The following AGAP1 variants were observed in gnomAD, a reference collection of about 807,000 sequenced individuals.
AGAP1 encodes the protein arf-GAP with GTPase, ANK repeat and PH domain-containing protein 1.
AGAP1 carries 29 observed loss-of-function variants against 105.3 expected under a neutral mutation model. The observed-to-expected ratio is 0.28, with a 90% CI of 0.21 to 0.38. The LOEUF (loss-of-function observed/expected upper bound fraction) is 0.38. Ranked by LOEUF, AGAP1 falls within the 10% of genes least tolerant of loss-of-function variation. The probability of loss-of-function intolerance (pLI) is 1.00; values close to 1 mark genes in which losing one functional copy is unlikely to be tolerated. For missense variants in AGAP1, 998 were observed against 1,165.1 expected, an observed-to-expected ratio of 0.86 and a Z score of 2.09; for synonymous variants, 509 against 485.9, an observed-to-expected ratio of 1.05 and a Z score of -0.63.
intron 12 of AGAP1, among the ~76,000 whole-genome samples, chr2:235,940,703 C>CT (rs2053220865): frequency 6.6e-6 from 1 of 152,214 alleles, no homozygotes; most frequent in African/African-American, 2.4e-5. Context: ...AGTGGTCATC[C>CT]TGCCCCTGGC....
At chr2:235,772,448 A>G (rs997356355) in intron 6 of AGAP1, among the ~76,000 whole-genome samples, 2 of 152,206 alleles carry the variant, frequency 1.3e-5, no homozygotes, top group Non-Finnish European at 2.9e-5. Context: ...TTCCAGCCCC[A>G]TCAGATCTCC....
intron 13 of AGAP1, among the ~76,000 whole-genome samples, chr2:235,984,881 T>C (rs2055246217): frequency 6.6e-6 from 1 of 152,224 alleles, no homozygotes; most frequent in Non-Finnish European, 1.5e-5. Context: ...GTTCCATGTC[T>C]TTGCTATTGT....
Position 236,042,872 on chromosome 2 carries a change from G to A in AGAP1, c.1891+2031G>A, listed in dbSNP as rs551448858. 6.6e-6 allele frequency among the ~76,000 whole-genome samples: 1 copy of A among 152,236 alleles called. No homozygotes were observed. Among genetic ancestry groups the A allele is most frequent in the Non-Finnish European group, 1.5e-5 (1 of 68,048 alleles). ...CGCATTTGCTAAATGTGTGGTCTGT[G>A]TCAGCCCGGTGCCAAACCCTCCCAT... On this transcript the variant is annotated intron_variant, in intron 15 of 17. Transcript: ENST00000304032. The surrounding 1 kb of genome is among the most constrained non-coding windows in gnomAD (Gnocchi z 5.6).
Position 236,047,540 on chromosome 2 carries a change from A to G in AGAP1, c.1892-1519A>G, listed in dbSNP as rs558416600. ...CTTGGGTTTTTTTCATTTGATGCAT[A>G]GGTTTCCCCTTCCCAGTCAGAACCT... is the stretch of plus-strand genomic sequence containing the variant. On this transcript the variant is annotated intron_variant, in intron 15 of 17. Coordinates refer to ENST00000304032, the MANE Select transcript of AGAP1 (RefSeq NM_001037131.3). Among the ~76,000 whole-genome samples, 7 of 140,736 alleles carry G rather than the reference A, an allele frequency of 5.0e-5. No individual in the cohort carries two copies. In the South Asian group the frequency reaches 9.2e-4, roughly 18 times the overall value. The allele number at this position is 140,736 out of a possible 152,430, so 92.3% of individuals were successfully genotyped here. A position where few individuals can be genotyped will look rare whatever the true frequency, so the allele number is the denominator to read the frequency against.
chr2:235,907,128 C>T (rs1338891396), intron 10 of AGAP1, among the ~76,000 whole-genome samples: 1 of 152,224 alleles, frequency 6.6e-6, no homozygotes, highest in African/African-American at 2.4e-5. Flanking sequence ...CCTCAATACA[C>T]TTGGCCAAGT....
At chr2:235,863,647 A>G (rs2049026550) in intron 9 of AGAP1, among the ~76,000 whole-genome samples, 1 of 152,192 alleles carries the variant, frequency 6.6e-6, no homozygotes, top group Admixed American at 6.5e-5. Flanking sequence ...GCCCGAGGTC[A>G]TCGAAGGCCC....
rs191399279 is a variant in AGAP1, at chr2:235,610,315, C to T, written c.164-98864C>T. 1.3e-4 allele frequency among the ~76,000 whole-genome samples: 20 copies of T among 152,254 alleles called. No homozygotes were observed. The highest frequency in any genetic ancestry group is 2.2e-4 in the African/African-American group (9 of 41,554). On this transcript the variant is annotated intron_variant, in intron 1 of 17. Transcript: ENST00000304032. The surrounding 1 kb of genome is among the most constrained non-coding windows in gnomAD (Gnocchi z 4.9). ...TCTTGGAGTCCACCGTGCACTTGTC[C>T]GCTTGGGCTGCCATAACAAAATACC... is the stretch of plus-strand genomic sequence containing the variant.
chr2:235,978,516 C>A (rs1365760069), intron 13 of AGAP1, among the ~76,000 whole-genome samples: 1 of 152,188 alleles, frequency 6.6e-6, no homozygotes. Flanking sequence ...GTGGTGTTGG[C>A]AGGTGGGTGG....
At chr2:235,590,477 G>A (rs1474102043) in intron 1 of AGAP1, among the ~76,000 whole-genome samples, 2 of 152,034 alleles carry the variant, frequency 1.3e-5, no homozygotes, top group South Asian at 2.1e-4. Context: ...ACAGGTGTGG[G>A]CAGGAAGGGA....
At chr2:235,768,495 C>A (rs1236740321) in intron 6 of AGAP1, among the ~76,000 whole-genome samples, 1 of 152,226 alleles carries the variant, frequency 6.6e-6, no homozygotes, top group Admixed American at 6.5e-5. Flanking sequence ...GTGGGTATTT[C>A]ATCAGAGCGG....
At chr2:235,524,472 A>G (rs1335929792) in intron 1 of AGAP1, 5 of 305,942 alleles carry the variant, frequency 1.6e-5, no homozygotes, top group Non-Finnish European at 1.3e-5. Context: ...AGAGCAGTGG[A>G]TGCGATGGGC....
intron 9 of AGAP1, among the ~76,000 whole-genome samples, 156 bp downstream of exon 9, chr2:235,807,487 T>G (rs575806411): frequency 6.6e-6 from 1 of 152,378 alleles, no homozygotes; most frequent in African/African-American, 2.4e-5. Flanking sequence ...AGTTCCTGTG[T>G]GTATTCAAAT....
In AGAP1 at chr2:235,960,032, G is replaced by A. The variant is rs566877193; in HGVS notation, c.1484-8430G>A. Among the ~76,000 whole-genome samples, 2 of 152,322 alleles carry A rather than the reference G, an allele frequency of 1.3e-5. No homozygotes were observed. Among genetic ancestry groups the A allele is most frequent in the South Asian group, 4.1e-4 (2 of 4,830 alleles). The stretch of plus-strand genomic sequence containing the variant: ...TGGAGCATTGCCGTGGCAGGAGAAC[G>A]CAGTGGGCAGAGACGCACCCTGCCC... On this transcript the variant is annotated intron_variant, in intron 12 of 17. Coordinates refer to ENST00000304032, the MANE Select transcript of AGAP1 (RefSeq NM_001037131.3). The surrounding 1 kb of genome is among the most constrained non-coding windows in gnomAD (Gnocchi z 4.9).
Position 235,710,111 on chromosome 2 carries a change from A to G in AGAP1, c.222+874A>G, listed in dbSNP as rs914252545. 4.6e-5 allele frequency among the ~76,000 whole-genome samples: 7 copies of G among 152,330 alleles called. No individual in the cohort carries two copies. The South Asian group carries it at 1.4e-3, about 32-fold the overall frequency. On this transcript the variant is annotated intron_variant, in intron 2 of 17. Transcript: ENST00000304032. ...CTCTTGCTGTTCTGCAGACTCCGGC[A>G]TGGGCCTGCCTAGTGTGTCTGTCCT... is the stretch of plus-strand genomic sequence containing the variant.
intron 10 of AGAP1, among the ~76,000 whole-genome samples, chr2:235,899,798 A>C (rs959197015): frequency 8.4e-5 from 12 of 143,444 alleles, no homozygotes; most frequent in Non-Finnish European, 1.9e-4. Flanking sequence ...TATCCGAGGC[A>C]TGCATCGTAC....
chr2:235,570,538 T>G (rs1002203295), intron 1 of AGAP1, among the ~76,000 whole-genome samples: 3 of 152,216 alleles, frequency 2.0e-5, no homozygotes, highest in Admixed American at 6.5e-5. Flanking sequence ...GTTCCTGTCT[T>G]TCTTTGCAGA....
At chr2:235,746,072 G>C (rs936223185) in intron 5 of AGAP1, among the ~76,000 whole-genome samples, 3 of 152,132 alleles carry the variant, frequency 2.0e-5, no homozygotes, top group Non-Finnish European at 1.5e-5. Context: ...GTTGCAGTGA[G>C]CTGAGATCAC....
In AGAP1 at chr2:235,896,727, C is replaced by T. The variant is rs138972757; in HGVS notation, c.1156-12011C>T. Among the ~76,000 whole-genome samples the T allele has an allele frequency of 5.9e-3, 894 of 152,330 alleles. 4 individuals carry two copies. The highest frequency in any genetic ancestry group is 0.02 in the African/African-American group (849 of 41,566). ...TTTGAAAGAATGTGATCAGTTGTTT[C>T]TCCCATGTGTCAACAGTTCCAAAGC... On this transcript the variant is annotated intron_variant, in intron 10 of 17. Transcript: ENST00000304032.
intron 17 of AGAP1, among the ~76,000 whole-genome samples, chr2:236,122,942 C>G (rs2059935662): frequency 6.6e-6 from 1 of 152,178 alleles, no homozygotes; most frequent in Non-Finnish European, 1.5e-5. Flanking sequence ...CTCGGCCTCC[C>G]AAAGTGCTGG....
Sources: gnomAD v4.1 joint callset for allele counts (sites outside exome capture counted in the v4.1 genomes callset) on GRCh38, gnomAD v4.1.1 for gene constraint, Gnocchi (gnomAD v3.1) non-coding constraint, MANE v1.5 for transcripts, NCBI Gene and HGNC (gene_info 2026-07-23, HGNC 2026-07-21) for gene names.